IQCK: variants seen among roughly 807,000 people sequenced by gnomAD.
IQCK encodes the protein IQ motif containing K.
A neutral mutation model predicts 28.1 loss-of-function variants in IQCK; 29 were observed. The ratio of observed to expected loss-of-function variants is 1.03; its 90% CI spans 0.77 to 1.41. The LOEUF (loss-of-function observed/expected upper bound fraction) is 1.41, where lower values mean the gene tolerates loss of function less well. Ranked by LOEUF, IQCK falls within the 40% of genes most tolerant of loss-of-function variation. The pLI is 0.00. For missense variants in IQCK, 359 were observed against 314.7 expected (o/e 1.14, Z -1.07); for synonymous variants, 113 against 115.1 (o/e 0.98, Z 0.12).
chr16:19,782,802 A>C (rs2151727973), intron 6 of IQCK, among the ~76,000 whole-genome samples: 1 of 152,288 alleles, frequency 6.6e-6, no homozygotes, highest in Non-Finnish European at 1.5e-5. Flanking sequence ...CTAACGTCTC[A>C]GATTTTCTTA....
chr16:19,718,596 G>A (rs916163989), intron 1 of IQCK, 109 bp downstream of exon 1: 3 of 1,037,910 alleles, frequency 2.9e-6, no homozygotes, highest in Non-Finnish European at 3.8e-6. Context: ...GGGCCGCCGG[G>A]CAGCGGCTCC....
chr16:19,854,818 C>T (rs13336665), intron 9 of IQCK, among the ~76,000 whole-genome samples: 2,654 of 152,162 alleles, frequency 0.017, 58 homozygotes, highest in African/African-American at 0.061. Context: ...GGAGGTGTGG[C>T]GCATCCTTGA....
At position 19,856,513 on chromosome 16, in the gene IQCK, G is replaced by GT; in HGVS notation, c.830dup (p.Pro278ThrfsTer34). On this transcript the variant is annotated frameshift_variant, in exon 10 of 10. Coordinates refer to the IQCK transcript ENST00000320394. LOFTEE classifies it low-confidence loss of function (END_TRUNC). ...GAAATGCAAAATGGAGGACGATGCA[G>GT]TACCTGCAGCCAAGATGAAAATTCC... is the stretch of plus-strand genomic sequence containing the variant. The GT allele has an allele frequency of 6.2e-7, 1 of 1,613,924 alleles. No individual in the cohort carries two copies. The highest frequency in any genetic ancestry group is 8.5e-7 in the Non-Finnish European group (1 of 1,179,888).
At chr16:19,748,617 A>AG (rs2054945259) in intron 4 of IQCK, among the ~76,000 whole-genome samples, 1 of 152,196 alleles carries the variant, frequency 6.6e-6, no homozygotes, top group Non-Finnish European at 1.5e-5. Context: ...CAACCTGTAA[A>AG]GGAGTGCTAT....
At chr16:19,766,383 C>A (rs2047889) in intron 6 of IQCK, among the ~76,000 whole-genome samples, 47,996 of 152,202 alleles carry the variant, frequency 0.32, 11,160 homozygotes, top group African/African-American at 0.66. Context: ...TCCACGTGCC[C>A]TTCCTGGTGG....
At chr16:19,771,601 A>C (rs1597543855) in intron 6 of IQCK, among the ~76,000 whole-genome samples, 1 of 152,228 alleles carries the variant, frequency 6.6e-6, no homozygotes, top group South Asian at 2.1e-4. Flanking sequence ...AAAACAGAAA[A>C]ATCAAAAGAA....
At chr16:19,810,365 C>T (rs528678158) in intron 7 of IQCK, among the ~76,000 whole-genome samples, 4 of 151,664 alleles carry the variant, frequency 2.6e-5, no homozygotes, top group African/African-American at 4.8e-5. Context: ...GGTGTGGTGG[C>T]GGGTGCCTGT....
At chr16:19,761,351 C>T (rs1305863307) in intron 4 of IQCK, 1 of 454,428 alleles carries the variant, frequency 2.2e-6, no homozygotes, top group South Asian at 1.6e-5. Context: ...CTGGTACCAC[C>T]CATAGGATGG....
intron 9 of IQCK, among the ~76,000 whole-genome samples, chr16:19,849,137 G>A (rs1035619501): frequency 6.6e-6 from 1 of 151,900 alleles, no homozygotes; most frequent in Non-Finnish European, 1.5e-5. Flanking sequence ...CTTTTGTCTG[G>A]TATATTTTCT....
intron 4 of IQCK, among the ~76,000 whole-genome samples, chr16:19,746,815 G>A (rs1051558782): frequency 4.6e-5 from 7 of 152,208 alleles, no homozygotes; most frequent in Non-Finnish European, 7.3e-5. Flanking sequence ...TTTGTCCGCC[G>A]GCTTTGAGGG....
At chr16:19,761,800 A>C (rs1370427133) in intron 4 of IQCK, 8 of 180,358 alleles carry the variant, frequency 4.4e-5, no homozygotes, top group Non-Finnish European at 9.5e-5. Context: ...CTGTATTGAA[A>C]ACTCAAGAAC....
In IQCK at chr16:19,744,957, G is replaced by C. The variant is rs538120075; in HGVS notation, c.474+9507G>C. 2.6e-5 allele frequency among the ~76,000 whole-genome samples: 4 copies of C among 152,306 alleles called. No individual in the cohort carries two copies. The South Asian group carries it at 8.3e-4, about 32-fold the overall frequency. On this transcript the variant is annotated intron_variant, in intron 4 of 7. Transcript: ENST00000564186. ...GCAGCCATGTATACAACAAGCCAAAGGTAACAGAATGCAGATAATAGTATC... is the reference window on the plus strand; with the variant it reads ...GCAGCCATGTATACAACAAGCCAAACGTAACAGAATGCAGATAATAGTATC...
intron 1 of IQCK, among the ~76,000 whole-genome samples, chr16:19,723,912 A>T (rs1334017962): frequency 6.6e-6 from 1 of 151,428 alleles, no homozygotes; most frequent in Non-Finnish European, 1.5e-5. Flanking sequence ...CTGAGCCGAG[A>T]TCATGCCATT....
chr16:19,733,775 C>G, exon 3 of IQCK: 1 of 1,614,166 alleles, frequency 6.2e-7, no homozygotes, highest in Non-Finnish European at 8.5e-7. Flanking sequence ...TCACCATGAT[C>G]TCACGTACAC....
intron 9 of IQCK, among the ~76,000 whole-genome samples, chr16:19,840,469 T>G (rs2056352346): frequency 6.6e-6 from 1 of 152,206 alleles, no homozygotes; most frequent in Non-Finnish European, 1.5e-5. Context: ...AGTTGATTGA[T>G]TTTTGCCTTT....
intron 6 of IQCK, among the ~76,000 whole-genome samples, chr16:19,772,720 G>GAGATTAGGGCT (rs879510051): frequency 2.0e-5 from 3 of 152,062 alleles, no homozygotes; most frequent in Non-Finnish European, 4.4e-5. Flanking sequence ...TTTTTTAAAT[G>GAGATTAGGGCT]AGATTAGGGC....
intron 6 of IQCK, among the ~76,000 whole-genome samples, chr16:19,782,106 A>G (rs1382265610): frequency 2.0e-5 from 3 of 152,224 alleles, no homozygotes; most frequent in Non-Finnish European, 4.4e-5. Flanking sequence ...GGCCGTTACA[A>G]ATACTGGTGT....
intron 7 of IQCK, among the ~76,000 whole-genome samples, chr16:19,810,082 G>C (rs113587231): frequency 0.054 from 8,260 of 152,064 alleles, 698 homozygotes; most frequent in African/African-American, 0.18. Context: ...GAGTCCAGTG[G>C]GCAGCCAAGC....
intron 4 of IQCK, among the ~76,000 whole-genome samples, chr16:19,736,874 A>G (rs1276247101): frequency 6.6e-5 from 10 of 152,120 alleles, no homozygotes; most frequent in East Asian, 3.9e-4. Flanking sequence ...AAGGCCGGGC[A>G]CAGTGGCTCA....
Sources: allele counts gnomAD v4.1 joint callset (sites outside exome capture counted in the v4.1 genomes callset), GRCh38; gene constraint gnomAD v4.1.1; transcripts MANE v1.5; gene names NCBI Gene and HGNC (gene_info 2026-07-23, HGNC 2026-07-21).